GPX5: variants seen among roughly 807,000 people sequenced by gnomAD.
GPX5 encodes the protein epididymal secretory glutathione peroxidase.
In GPX5, 20 loss-of-function variants were observed where a neutral mutation model predicts 23.8. The ratio of observed to expected loss-of-function variants is 0.84; its 90% confidence interval spans 0.59 to 1.22. The LOEUF (loss-of-function observed/expected upper bound fraction) is 1.22, where lower values mean the gene tolerates loss of function less well. GPX5 is among the 50% of genes most tolerant of loss of function. The pLI is 0.00. For synonymous variants in GPX5, 92 were observed against 99.5 expected, an observed-to-expected ratio of 0.92 and a Z score of 0.45; for missense variants, 230 against 266.6, an observed-to-expected ratio of 0.86 and a Z score of 0.96.
chr6:28,532,208 A>C, intron 3 of GPX5, 113 bp from the exon 4 acceptor site: 1 of 705,682 alleles, frequency 1.4e-6, no homozygotes, highest in Non-Finnish European at 2.4e-6. Context: ...CTCCCCACCC[A>C]CAACGATACT....
chr6:28,527,752 A>G (rs1165136963), intron 1 of GPX5: 1 of 152,126 alleles, frequency 6.6e-6, no homozygotes, highest in Non-Finnish European at 1.5e-5. Flanking sequence ...TATATTCTGT[A>G]TTCCATGAGC....
chr6:28,528,586 T>G (rs1409674729), intron 1 of GPX5: 2 of 152,112 alleles, frequency 1.3e-5, no homozygotes, highest in African/African-American at 4.8e-5. Flanking sequence ...AGGAGTAGCC[T>G]GTTTTTTACA....
chr6:28,529,675 G>A, intron 2 of GPX5, 71 bp downstream of exon 2: 2 of 1,057,688 alleles, frequency 1.9e-6, no homozygotes, highest in South Asian at 2.0e-5. Flanking sequence ...ATTATACTTG[G>A]AATTATATTT....
chr6:28,529,371 A>C (rs1316604295), intron 1 of GPX5, 80 bp from the exon 2 acceptor site: 4 of 1,164,668 alleles, frequency 3.4e-6, no homozygotes, highest in Non-Finnish European at 4.8e-6. Flanking sequence ...GAACATAACT[A>C]TTCTTTGACT....
At chr6:28,531,385 A>G (rs1386314437) in intron 2 of GPX5, among the ~76,000 whole-genome samples, 4 of 132,368 alleles carry the variant, frequency 3.0e-5, no homozygotes, top group African/African-American at 8.6e-5. Flanking sequence ...AAAAAAAAAA[A>G]AAAAAAAAGA....
chr6:28,527,117 A>T (rs1763222036), intron 1 of GPX5: 2 of 152,192 alleles, frequency 1.3e-5, no homozygotes. Context: ...CGTTATATGG[A>T]CTTCAATAAA....
rs1763274182 is a variant in GPX5, at chr6:28,529,556, C to G, written c.193C>G (p.Leu65Val). The change falls in exon 2 of 5, where the codon CTC becomes GTC. Residue 65 changes from leucine (L) to valine (V), a missense_variant. Leu to Val is a conservative substitution (Grantham distance 32). Transcript: ENST00000412168. ...CAAGCAGTATGTGGGCAAGCACATC[C>G]TCTTCGTCAACGTGGCCACCTACTG... ...SFKQYVGKHI[L>V]FVNVATYCGL... 6.2e-7 allele frequency: 1 copy of G among 1,612,524 alleles called. No individual in the cohort carries two copies. Among genetic ancestry groups the G allele is most frequent in the African/African-American group, 1.3e-5 (1 of 74,880 alleles).
Position 28,528,849 on chromosome 6 carries a change from A to G in GPX5, c.88-602A>G, listed in dbSNP as rs376066607. Among the ~76,000 whole-genome samples, 87 of 11,816 alleles carry G rather than the reference A, an allele frequency of 7.4e-3. 12 individuals are homozygous for G. Among genetic ancestry groups the G allele is most frequent in the South Asian group, 0.041 (15 of 362 alleles). The allele number at this position is 11,816 out of a possible 152,430, so 7.8% of individuals were successfully genotyped here. On this transcript the variant is annotated intron_variant, in intron 1 of 4. Transcript: ENST00000412168. ...TATATATATATATATATATATATAT[A>G]TATATATATATATATATATATATAT...
chr6:28,531,612 TC>T (rs1763323746), intron 2 of GPX5, among the ~76,000 whole-genome samples, 165 bp from the exon 3 acceptor site: 1 of 152,066 alleles, frequency 6.6e-6, no homozygotes, highest in Admixed American at 6.5e-5. Flanking sequence ...CGTCTGAAGA[TC>T]CGGCCTCTAA....
At chr6:28,532,255 A>T (rs1763338894) in intron 3 of GPX5, 66 bp from the exon 4 acceptor site, 1 of 919,562 alleles carries the variant, frequency 1.1e-6, no homozygotes, top group Non-Finnish European at 1.7e-6. Context: ...TTCAAATCCT[A>T]GTGTCCCATT....
rs369040772 is a variant in GPX5, at chr6:28,526,058, A to G, written c.45A>G (p.Leu15=). 5.0e-6 allele frequency: 8 copies of G among 1,612,904 alleles called. No individual in the cohort carries two copies. Among genetic ancestry groups the G allele is most frequent in the Non-Finnish European group, 5.1e-6 (6 of 1,179,990 alleles). Residue 15 remains leucine, a synonymous_variant, in exon 1 of 5, where the codon CTA becomes CTG. Coordinates refer to ENST00000412168, the MANE Select transcript of GPX5 (RefSeq NM_001509.3). ...LRVVHLLPLL[L]ACFVQTSPKQ... is the part of the protein sequence containing the mutation. ...TCGTCCATCTGCTTCCCCTTCTCCT[A>G]GCCTGCTTTGTGCAAACAAGTCCCA...
chr6:28,529,603 TG>T lies in GPX5; in HGVS notation c.241+1del. The T allele has an allele frequency of 6.3e-7, 1 of 1,597,666 alleles. No homozygotes were observed. Among genetic ancestry groups the T allele is most frequent in the Non-Finnish European group, 8.5e-7 (1 of 1,171,522 alleles). On this transcript the variant is annotated frameshift_variant and splice_region_variant, in exon 2 of 5. Transcript: ENST00000412168. LOFTEE classifies it high-confidence loss of function. The stretch of plus-strand genomic sequence containing the variant: ...ACTGTGGTCTGACAGCGCAATATCC[TG>T]GTAAGAGAATTCATAGTTACTTCTC... ...TYCGLTAQYPELNALQEELKP... is the reference protein window; with the variant it reads ...TYCGLTAQYPXLNALQEELKP...
At chr6:28,526,954 T>G (rs1443981401) in intron 1 of GPX5, 3 of 152,204 alleles carry the variant, frequency 2.0e-5, no homozygotes, top group African/African-American at 7.2e-5. Context: ...TCCCCATCCC[T>G]CGCCTCTAAA....
chr6:28,529,207 T>A (rs1581853382), intron 1 of GPX5, among the ~76,000 whole-genome samples: 3 of 152,256 alleles, frequency 2.0e-5, no homozygotes, highest in South Asian at 2.1e-4. Context: ...TGTTTTGATT[T>A]TTAGATCCCA....
chr6:28,526,850 T>C (rs1275115820), intron 1 of GPX5, among the ~76,000 whole-genome samples: 1 of 152,252 alleles, frequency 6.6e-6, no homozygotes, highest in Non-Finnish European at 1.5e-5. Context: ...TATCTCATTG[T>C]AAATTTATGG....
intron 4 of GPX5, among the ~76,000 whole-genome samples, chr6:28,533,104 A>G (rs1581856818): frequency 6.6e-6 from 1 of 152,302 alleles, no homozygotes; most frequent in East Asian, 1.9e-4. Flanking sequence ...CTAGGCAACC[A>G]AGCAAGACAC....
chr6:28,531,721 T>C, intron 2 of GPX5, 57 bp from the exon 3 acceptor site: 2 of 1,144,106 alleles, frequency 1.7e-6, no homozygotes, highest in Non-Finnish European at 1.3e-6. Context: ...CAGGGAATCA[T>C]CCTTGCACAA....
intron 2 of GPX5, among the ~76,000 whole-genome samples, chr6:28,531,254 C>A (rs1763307249): frequency 6.9e-6 from 1 of 145,614 alleles, no homozygotes; most frequent in Non-Finnish European, 1.5e-5. Context: ...GCCTGTAGTC[C>A]CAGCTACTCG....
rs755025881 is a variant in GPX5, at chr6:28,529,497, C to A, written c.134C>A (p.Ala45Asp). Reference protein sequence around the residue: ...DEKGTIYDYEAIALNKNEYVS... With the variant: ...DEKGTIYDYEDIALNKNEYVS... ...AAAGGCACCATCTATGACTATGAGG[C>A]CATCGCACTTAATAAGAATGAATAT... The change falls in exon 2 of 5, where the codon GCC becomes GAC. Residue 45 changes from alanine (A) to aspartate (D), a missense_variant. Transcript: ENST00000412168. The A allele has an allele frequency of 5.6e-6, 9 of 1,613,210 alleles. No individual in the cohort carries two copies. The highest frequency in any genetic ancestry group is 5.3e-5 in the African/African-American group (4 of 74,888).
Sources: allele counts gnomAD v4.1 joint callset (sites outside exome capture counted in the v4.1 genomes callset), GRCh38; gene constraint gnomAD v4.1.1; transcripts MANE v1.5; gene names NCBI Gene and HGNC (gene_info 2026-07-23, HGNC 2026-07-21).